The following INTS2 variants were observed in gnomAD, a reference collection of about 807,000 sequenced individuals.
The protein encoded by INTS2 is KIAA1287.
INTS2 carries 57 observed loss-of-function variants against 139.6 expected under a neutral mutation model. The observed-to-expected ratio is 0.41, with a 90% CI of 0.33 to 0.51. The LOEUF is 0.51. Among genes scored for constraint, INTS2 ranks in the 20% least tolerant of loss-of-function variants. The probability of loss-of-function intolerance (pLI) is 0.28; values close to 1 mark genes in which losing one functional copy is unlikely to be tolerated. For synonymous variants in INTS2, 473 were observed against 493.4 expected, an observed-to-expected ratio of 0.96 and a Z score of 0.55; for missense variants, 1,196 against 1,436.7, an observed-to-expected ratio of 0.83 and a Z score of 2.71.
chr17:61,892,399 A>T (rs796696297), intron 13 of INTS2, among the ~76,000 whole-genome samples: 15 of 152,332 alleles, frequency 9.8e-5, no homozygotes, highest in African/African-American at 3.6e-4. Flanking sequence ...AGATATAGCC[A>T]ACTAAGACAA....
chr17:61,893,704 A>C lies in INTS2; in HGVS notation c.1698+61T>G. The C allele has an allele frequency of 7.8e-7, 1 of 1,278,734 alleles. No individual in the cohort carries two copies. The highest frequency in any genetic ancestry group is 1.0e-6 in the Non-Finnish European group (1 of 980,314). 79.2% of individuals were successfully genotyped at this position (1,278,734 alleles called of 1,614,324 possible). On this transcript the variant is annotated intron_variant, in intron 13 of 24. Coordinates refer to ENST00000251334, the MANE Select transcript of INTS2 (RefSeq NM_001351695.2). This position sits in a 1 kb window ranked among gnomAD's most constrained non-coding sequence, Gnocchi z 5.4. ...AGCAAGACTCCATCTCAAAAGAAAA[A>C]AAATATATATATAAAAATGTAGGGG... is the stretch of plus-strand genomic sequence containing the variant.
chr17:61,890,609 CA>C (rs11312680), intron 14 of INTS2, among the ~76,000 whole-genome samples: 31,981 of 119,432 alleles, frequency 0.27, 4,084 homozygotes, highest in East Asian at 0.54. Context: ...GACTCTGTCT[CA>C]AAAAAAAAAA....
intron 4 of INTS2, among the ~76,000 whole-genome samples, chr17:61,920,774 G>A (rs1259215630): frequency 1.3e-5 from 2 of 151,980 alleles, no homozygotes. Context: ...CTGCACTCCA[G>A]CCTGGGTGAC....
In INTS2 at chr17:61,873,483, T is replaced by C. The variant is rs1180626211; in HGVS notation, c.2583-1023A>G. On this transcript the variant is annotated intron_variant, in intron 19 of 24. Coordinates refer to ENST00000251334, the MANE Select transcript of INTS2 (RefSeq NM_001351695.2). This position sits in a 1 kb window ranked among gnomAD's most constrained non-coding sequence, Gnocchi z 4.0. The stretch of plus-strand genomic sequence containing the variant: ...TGATAACAGAATTTAACAACTTCCT[T>C]AAAAACTGAATCACCTAAGGTGATT... 6.6e-6 allele frequency among the ~76,000 whole-genome samples: 1 copy of C among 152,210 alleles called. No homozygotes were observed. The highest frequency in any genetic ancestry group is 1.5e-5 in the Non-Finnish European group (1 of 68,034).
At position 61,893,494 on chromosome 17, in the gene INTS2, G is replaced by A. The variant is rs867620651; in HGVS notation, c.1698+271C>T. On this transcript the variant is annotated intron_variant, in intron 13 of 24. Transcript: ENST00000251334. The surrounding 1 kb of genome is among the most constrained non-coding windows in gnomAD (Gnocchi z 5.4). ...GCATATCACTTGAGGTCAGGAGTTC[G>A]ACACCAGCCAGCCAACACGGTGAAA... Among the ~76,000 whole-genome samples the A allele has an allele frequency of 4.6e-5, 7 of 152,004 alleles. No homozygotes were observed. The highest frequency in any genetic ancestry group is 2.6e-4 in the Admixed American group (4 of 15,260).
intron 9 of INTS2, among the ~76,000 whole-genome samples, chr17:61,902,941 T>C (rs969795954): frequency 1.5e-5 from 2 of 135,846 alleles, no homozygotes; most frequent in Non-Finnish European, 3.1e-5. Context: ...CCGAGGCGGG[T>C]GGATCGCGAG....
chr17:61,869,865 T>C lies in INTS2; in HGVS notation c.2902A>G (p.Asn968Asp). The C allele has an allele frequency of 1.9e-6, 3 of 1,613,922 alleles. No individual in the cohort carries two copies. Among genetic ancestry groups the C allele is most frequent in the Non-Finnish European group, 2.5e-6 (3 of 1,179,826 alleles). ...VQSVITTSAP[N>D]KGMEEGEDNL... is the part of the protein sequence containing the mutation. ...TCTTCTCCTTCCTCCATTCCCTTAT[T>C]TGGAGCGCTGGTGGTAATAACACTT... The change falls in exon 21 of 25, where the codon AAT becomes GAT. Residue 968 changes from asparagine (N) to aspartate (D), a missense_variant. Asn to Asp is a conservative substitution (Grantham distance 23, BLOSUM62 1). Transcript: ENST00000251334. The surrounding 1 kb of genome is among the most constrained non-coding windows in gnomAD (Gnocchi z 5.4).
intron 8 of INTS2, among the ~76,000 whole-genome samples, chr17:61,906,120 G>A (rs1486766340): frequency 3.9e-5 from 6 of 152,148 alleles, no homozygotes; most frequent in Non-Finnish European, 7.3e-5. Context: ...AAGCAATACA[G>A]GTTGAGTAAC....
intron 9 of INTS2, among the ~76,000 whole-genome samples, chr17:61,902,148 C>T (rs763019578): frequency 6.6e-6 from 1 of 152,016 alleles, no homozygotes; most frequent in Non-Finnish European, 1.5e-5. Flanking sequence ...AATATAGAAA[C>T]TCGTAGGATT....
rs1443729666 is a variant in INTS2 at position 61,873,392 on chromosome 17, A to G, written c.2583-932T>C. On this transcript the variant is annotated intron_variant, in intron 19 of 24. Transcript: ENST00000251334. This position sits in a 1 kb window ranked among gnomAD's most constrained non-coding sequence, Gnocchi z 4.0. ...AAAATAAATTTGAAATAAGAACATT[A>G]ACATGAAAAAAGGTTCACAAGTTGT... 6.6e-6 allele frequency among the ~76,000 whole-genome samples: 1 copy of G among 152,132 alleles called. No individual in the cohort carries two copies. The highest frequency in any genetic ancestry group is 1.5e-5 in the Non-Finnish European group (1 of 68,016).
intron 7 of INTS2, chr17:61,910,124 G>C (rs1018381451): frequency 2.0e-5 from 3 of 152,168 alleles, no homozygotes; most frequent in African/African-American, 7.2e-5. Context: ...TATGCTAAGT[G>C]AAATAAGCAA....
rs1389548264 is a variant in INTS2 at position 61,909,954 on chromosome 17, TA to T, written c.954+1565del. Among the ~76,000 whole-genome samples, 12 of 152,212 alleles carry T rather than the reference TA, an allele frequency of 7.9e-5. No homozygotes were observed. Among genetic ancestry groups the T allele is most frequent in the Admixed American group, 7.9e-4 (12 of 15,276 alleles). On this transcript the variant is annotated intron_variant, in intron 7 of 24. Transcript: ENST00000251334. This position sits in a 1 kb window ranked among gnomAD's most constrained non-coding sequence, Gnocchi z 4.9. ...ACTGTGAATAGTGCTGAAATAAACA[TA>T]CAAGTGTAGGTACATTTTTTATATA... is the stretch of plus-strand genomic sequence containing the variant.
intron 9 of INTS2, 53 bp downstream of exon 9, chr17:61,904,407 G>A: frequency 7.9e-7 from 1 of 1,269,734 alleles, no homozygotes; most frequent in South Asian, 1.3e-5. Flanking sequence ...CAATTTTATT[G>A]AGTAAATAAA....
Position 61,926,755 on chromosome 17 carries a change from T to G in INTS2, c.-18-93A>C, listed in dbSNP as rs570627437. ...AAACCCTGAAAAATGTGGTGTATCT[T>G]TAATAGGTCCCTATGTTGGCAATGT... On this transcript the variant is annotated intron_variant, in intron 1 of 24. Coordinates refer to ENST00000251334, the MANE Select transcript of INTS2 (RefSeq NM_001351695.2). 3 of 951,876 alleles carry G rather than the reference T, an allele frequency of 3.2e-6. No homozygotes were observed. The African/African-American group carries it at 4.9e-5, about 15-fold the overall frequency. The allele number at this position is 951,876 out of a possible 1,614,324, so 59.0% of individuals were successfully genotyped here.
Position 61,927,712 on chromosome 17 carries a change from G to A in INTS2, c.-77C>T, listed in dbSNP as rs1227381884. 1.2e-5 allele frequency: 17 copies of A among 1,451,956 alleles called. No individual in the cohort carries two copies. Among genetic ancestry groups the A allele is most frequent in the Non-Finnish European group, 1.4e-5 (16 of 1,105,086 alleles). 89.9% of individuals were successfully genotyped at this position (1,451,956 alleles called of 1,614,324 possible). A position where few individuals can be genotyped will look rare whatever the true frequency, so the allele number is the denominator to read the frequency against. ...ACACGGACTCCGCGTCCTAGAGGCG[G>A]GACGCGGCAGAAATCGAGAGCGCGG... On this transcript the variant is annotated 5_prime_UTR_variant, in exon 1 of 25. Coordinates refer to ENST00000251334, the MANE Select transcript of INTS2 (RefSeq NM_001351695.2).
Position 61,891,685 on chromosome 17 carries a change from C to G in INTS2, c.1703G>C (p.Trp568Ser). ...FTKHKVSIKD[W>S]IYRQLCETST... ...GGTTTCACACAGCTGTCTATAAATC[C>G]AATCCTAAGAAAGAATGTTATAGAC... The change falls in exon 14 of 25, where the codon TGG becomes TCG. Residue 568 changes from tryptophan (W) to serine (S), a missense_variant. By Grantham distance (177) the Trp-to-Ser change is radical. Transcript: ENST00000251334. 6.2e-7 allele frequency: 1 copy of G among 1,604,754 alleles called. No individual in the cohort carries two copies. Among genetic ancestry groups the G allele is most frequent in the South Asian group, 1.1e-5 (1 of 89,780 alleles).
chr17:61,901,631 G>A lies in INTS2; in HGVS notation c.1307+2829C>T, dbSNP rs571313318. ...TTTTTTTTTTCTGAGATGCAGTCCCGCTCTGTAGCCCAGGCTGGAGTGCAG... is the reference window on the plus strand; with the variant it reads ...TTTTTTTTTTCTGAGATGCAGTCCCACTCTGTAGCCCAGGCTGGAGTGCAG... On this transcript the variant is annotated intron_variant, in intron 9 of 24. Transcript: ENST00000251334. 1.2e-4 allele frequency among the ~76,000 whole-genome samples: 13 copies of A among 112,354 alleles called. No individual in the cohort carries two copies. In the South Asian group the frequency reaches 1.2e-3, roughly 10 times the overall value. 73.7% of individuals were successfully genotyped at this position (112,354 alleles called of 152,430 possible). A position where few individuals can be genotyped will look rare whatever the true frequency, so the allele number is the denominator to read the frequency against.
chr17:61,915,475 G>A (rs889164931), intron 5 of INTS2, among the ~76,000 whole-genome samples: 22 of 151,034 alleles, frequency 1.5e-4, no homozygotes, highest in Middle Eastern at 3.4e-3. Flanking sequence ...GCAGTGCGCC[G>A]AGATTGCGCC....
intron 8 of INTS2, among the ~76,000 whole-genome samples, chr17:61,905,232 T>C (rs1163558907): frequency 6.6e-6 from 1 of 152,134 alleles, no homozygotes; most frequent in African/African-American, 2.4e-5. Flanking sequence ...TAAGTCACTG[T>C]ACCCAGCCAG....
Sources: allele counts gnomAD v4.1 joint callset (sites outside exome capture counted in the v4.1 genomes callset), GRCh38; gene constraint gnomAD v4.1.1; non-coding constraint Gnocchi (gnomAD v3.1); transcripts MANE v1.5; gene names NCBI Gene and HGNC (gene_info 2026-07-23, HGNC 2026-07-21).